Variants in TET3 observed in about 807,000 individuals in gnomAD.
TET3 encodes the protein tet methylcytosine dioxygenase 3, also known as methylcytosine dioxygenase TET3.
In TET3, 19 loss-of-function variants were observed where a neutral mutation model predicts 141.4. The ratio of observed to expected loss-of-function variants is 0.13; its 90% confidence interval spans 0.09 to 0.20. TET3 has a LOEUF of 0.20. Ranked by LOEUF, TET3 falls within the 10% of genes least tolerant of loss-of-function variation. TET3 has a pLI of 1.00. For synonymous variants in TET3, 1,043 were observed against 980.9 expected (o/e 1.06, Z -1.18); for missense variants, 1,874 against 2,356.9 (o/e 0.80, Z 4.24).
chr2:74,002,932 C>G (rs970963489), intron 2 of TET3, 178 bp from the exon 3 acceptor site: 30 of 640,306 alleles, frequency 4.7e-5, no homozygotes, highest in Non-Finnish European at 7.9e-5. Flanking sequence ...GCCTGTCTGC[C>G]GTGATCCAGG....
At chr2:74,039,371 G>T (rs1030829160) in intron 3 of TET3, among the ~76,000 whole-genome samples, 5 of 152,120 alleles carry the variant, frequency 3.3e-5, no homozygotes, top group African/African-American at 1.2e-4. Context: ...CTGCCCACCT[G>T]CCCAGATAGC....
chr2:74,115,609 AG>A, the TET3 span, among the ~76,000 whole-genome samples: 15 of 152,340 alleles, frequency 9.8e-5, no homozygotes, highest in Admixed American at 3.3e-4. Context: ...AGCTAAAAAA[AG>A]AAAGAGGCCT....
intron 11 of TET3, among the ~76,000 whole-genome samples, chr2:74,099,852 T>A (rs1385937261): frequency 6.6e-6 from 1 of 152,138 alleles, no homozygotes; most frequent in Non-Finnish European, 1.5e-5. Context: ...GGGTTTCTCC[T>A]CTAGTTTGCA....
At chr2:74,062,266 C>A (rs1688636721) in intron 4 of TET3, among the ~76,000 whole-genome samples, 1 of 152,154 alleles carries the variant, frequency 6.6e-6, no homozygotes, top group Non-Finnish European at 1.5e-5. Flanking sequence ...CAAAAAAAAT[C>A]CATAAAAACA....
chr2:74,082,911 G>A (rs1466079615), intron 6 of TET3, among the ~76,000 whole-genome samples: 1 of 152,176 alleles, frequency 6.6e-6, no homozygotes, highest in Non-Finnish European at 1.5e-5. Flanking sequence ...GGTGAGTGCA[G>A]GCATCCAGTG....
chr2:74,061,003 A>C (rs1248433001), intron 4 of TET3, among the ~76,000 whole-genome samples: 1 of 152,038 alleles, frequency 6.6e-6, no homozygotes, highest in African/African-American at 2.4e-5. Flanking sequence ...CACTGTCATC[A>C]TGGCCCGTTC....
chr2:74,065,743 T>A (rs1408144583), intron 4 of TET3, among the ~76,000 whole-genome samples: 1 of 151,218 alleles, frequency 6.6e-6, no homozygotes, highest in Non-Finnish European at 1.5e-5. Flanking sequence ...CTTTCTTTCC[T>A]TTCCTCTTCT....
chr2:74,026,977 A>G (rs1453307703), intron 3 of TET3, among the ~76,000 whole-genome samples: 1 of 152,210 alleles, frequency 6.6e-6, no homozygotes, highest in Non-Finnish European at 1.5e-5. Context: ...CGTGGGAGGT[A>G]TTCTTCCCAT....
chr2:74,104,263 CA>C lies in TET3; in HGVS notation c.*2094del, dbSNP rs1194242996. ...GTAAAGTTGCATTTATTTTACAGGACAAAAAAATGAAATATTATTGCTTTTG... is the reference window on the plus strand; with the variant it reads ...GTAAAGTTGCATTTATTTTACAGGACAAAAAATGAAATATTATTGCTTTTG... On this transcript the variant is annotated 3_prime_UTR_variant, in exon 12 of 12. Transcript: ENST00000409262. The C allele has an allele frequency of 2.0e-5, 3 of 151,946 alleles. No homozygotes were observed. Among genetic ancestry groups the C allele is most frequent in the African/African-American group, 7.3e-5 (3 of 41,366 alleles). 9.4% of individuals were successfully genotyped at this position (151,946 alleles called of 1,614,324 possible).
chr2:73,997,145 G>T (rs1251879845), intron 2 of TET3, among the ~76,000 whole-genome samples: 2 of 152,236 alleles, frequency 1.3e-5, no homozygotes, highest in African/African-American at 4.8e-5. Flanking sequence ...ATTATTTGGT[G>T]GTATTGGCCA....
chr2:74,087,916 C>T lies in TET3; in HGVS notation c.2766C>T (p.Val922=), dbSNP rs778036646. 6.2e-5 allele frequency: 97 copies of T among 1,552,098 alleles called. 1 individual carries two copies. In the Admixed American group the frequency reaches 1.3e-3, roughly 21 times the overall value. The change falls in exon 7 of 12, where the codon GTC becomes GTT. Residue 922 remains valine (V), a synonymous_variant. Coordinates refer to ENST00000409262, the MANE Select transcript of TET3 (RefSeq NM_001287491.2). This position sits in a 1 kb window ranked among gnomAD's most constrained non-coding sequence, Gnocchi z 4.3. ...AGHHCQNAVI[V]ILILAWEGIP... ...ACCACTGCCAGAACGCTGTGATCGT[C>T]ATCCTCATCCTGGCCTGGGAGGGCA... is the stretch of plus-strand genomic sequence containing the variant.
At chr2:74,054,759 C>CT (rs1688125094) in intron 4 of TET3, among the ~76,000 whole-genome samples, 1 of 152,162 alleles carries the variant, frequency 6.6e-6, no homozygotes, top group Non-Finnish European at 1.5e-5. Context: ...GTCGGGAGGG[C>CT]TAACAGCATC....
intron 3 of TET3, among the ~76,000 whole-genome samples, chr2:74,021,744 A>G (rs4853003): frequency 0.36 from 55,239 of 152,078 alleles, 11,740 homozygotes; most frequent in African/African-American, 0.59. Flanking sequence ...CCCACGCCCA[A>G]TGGAGTTTGA....
At position 74,100,976 on chromosome 2, in the gene TET3, C is replaced by A; in HGVS notation, c.4188C>A (p.Ile1396=). 6.2e-7 allele frequency: 1 copy of A among 1,612,204 alleles called. No individual in the cohort carries two copies. Among genetic ancestry groups the A allele is most frequent in the Non-Finnish European group, 8.5e-7 (1 of 1,179,232 alleles). ...AQSSNCYNRS[I]KQEPVDPLTQ... is the part of the protein sequence containing the mutation. ...GCTCCAACTGCTACAACAGATCCAT[C>A]AAGCAAGAGCCAGTAGACCCGCTGA... The change falls in exon 12 of 12, where the codon ATC becomes ATA. Residue 1396 remains isoleucine (I), a synonymous_variant. Transcript: ENST00000409262.
chr2:73,990,214 TAA>T (rs11372229), intron 2 of TET3, among the ~76,000 whole-genome samples: 1 of 144,474 alleles, frequency 6.9e-6, no homozygotes, highest in Non-Finnish European at 1.5e-5. Flanking sequence ...ACCCCATTGC[TAA>T]AAAAAAAAAA....
downstream of TET3, among the ~76,000 whole-genome samples, chr2:74,112,362 T>C (rs567347068): frequency 3.9e-5 from 6 of 152,304 alleles, no homozygotes; most frequent in Middle Eastern, 3.4e-3. Flanking sequence ...TATTTACTTA[T>C]TTGCTTTTAA....
intron 3 of TET3, among the ~76,000 whole-genome samples, chr2:74,006,496 C>T (rs1685155360): frequency 6.6e-6 from 1 of 152,184 alleles, no homozygotes; most frequent in Non-Finnish European, 1.5e-5. Context: ...TGCAGGGGCC[C>T]TGGACCTGCC....
intron 5 of TET3, among the ~76,000 whole-genome samples, chr2:74,075,203 T>A (rs1689434171): frequency 6.6e-6 from 1 of 151,994 alleles, no homozygotes. Flanking sequence ...GCTAAGATGA[T>A]GTAGACATAA....
At chr2:74,079,663 A>G (rs1179303508) in intron 5 of TET3, among the ~76,000 whole-genome samples, 1 of 152,178 alleles carries the variant, frequency 6.6e-6, no homozygotes, top group Non-Finnish European at 1.5e-5. Context: ...TCTCCATTTT[A>G]CAGATGAGAA....
Sources: allele counts gnomAD v4.1 joint callset (sites outside exome capture counted in the v4.1 genomes callset), GRCh38; gene constraint gnomAD v4.1.1; non-coding constraint Gnocchi (gnomAD v3.1); transcripts MANE v1.5; gene names NCBI Gene and HGNC (gene_info 2026-07-23, HGNC 2026-07-21).